The following RBMS3 variants were observed in gnomAD, a reference collection of about 807,000 sequenced individuals.
RBMS3 encodes RNA binding motif single stranded interacting protein 3.
Under a neutral mutation model 66.8 loss-of-function variants are expected in RBMS3, and 27 were observed. The ratio of observed to expected loss-of-function variants is 0.40; its 90% CI spans 0.30 to 0.56. The LOEUF (loss-of-function observed/expected upper bound fraction) is 0.56, where lower values mean the gene tolerates loss of function less well. Among genes scored for constraint, RBMS3 ranks in the 20% least tolerant of loss-of-function variants. RBMS3 has a pLI of 0.40. For synonymous variants in RBMS3, 188 were observed against 183.0 expected (o/e 1.03, Z -0.22); for missense variants, 513 against 549.5 (o/e 0.93, Z 0.66).
intron 3 of RBMS3, among the ~76,000 whole-genome samples, chr3:29,492,882 A>AT (rs2043602470): frequency 1.3e-5 from 2 of 152,176 alleles, no homozygotes; most frequent in Admixed American, 6.5e-5. Context: ...TAGGCCATTC[A>AT]TGCTGTTCAC....
At chr3:29,836,201 T>C (rs908078321) in intron 6 of RBMS3, among the ~76,000 whole-genome samples, 1 of 152,030 alleles carries the variant, frequency 6.6e-6, no homozygotes, top group Non-Finnish European at 1.5e-5. Flanking sequence ...GAATAATTAA[T>C]AGCTATTATT....
At chr3:29,390,815 T>C (rs2039255711) in intron 1 of RBMS3, 1 of 154,596 alleles carries the variant, frequency 6.5e-6, no homozygotes, top group African/African-American at 2.4e-5. Flanking sequence ...TGAGGAGGCA[T>C]TGAAAATTGG....
At chr3:29,840,317 CAATA>C (rs1460678982) in intron 6 of RBMS3, among the ~76,000 whole-genome samples, 1 of 151,814 alleles carries the variant, frequency 6.6e-6, no homozygotes, top group Non-Finnish European at 1.5e-5. Flanking sequence ...ACTTAAAAGA[CAATA>C]AAAGCATTGA....
intron 4 of RBMS3, among the ~76,000 whole-genome samples, chr3:29,652,169 A>T (rs145476856): frequency 6.6e-6 from 1 of 152,224 alleles, no homozygotes; most frequent in African/African-American, 2.4e-5. Flanking sequence ...AAATTCCCAA[A>T]GTTTTTGTAA....
chr3:29,577,306 G>C (rs1576276225), intron 3 of RBMS3, among the ~76,000 whole-genome samples: 1 of 152,210 alleles, frequency 6.6e-6, no homozygotes, highest in African/African-American at 2.4e-5. Flanking sequence ...ACTCTTTGCT[G>C]TCTGCCCCTT....
chr3:30,004,251 G>A lies in RBMS3; in HGVS notation c.*389G>A, dbSNP rs1364950633. On this transcript the variant is annotated 3_prime_UTR_variant, in exon 15 of 15. Coordinates refer to ENST00000383767, the MANE Select transcript of RBMS3 (RefSeq NM_001003793.3). Reference sequence around the variant, plus strand: ...CAGAAAACCTGATGTCAAGAGGTGGGCAATAGAAATGGAAACAAATTGTCT... The same window carrying A: ...CAGAAAACCTGATGTCAAGAGGTGGACAATAGAAATGGAAACAAATTGTCT... 1.3e-5 allele frequency: 2 copies of A among 159,094 alleles called. No individual in the cohort carries two copies. The highest frequency in any genetic ancestry group is 2.7e-5 in the Non-Finnish European group (2 of 73,036). 9.9% of individuals were successfully genotyped at this position (159,094 alleles called of 1,614,324 possible).
chr3:29,917,985 C>T (rs544780211), intron 10 of RBMS3, among the ~76,000 whole-genome samples: 2 of 152,120 alleles, frequency 1.3e-5, no homozygotes, highest in South Asian at 4.1e-4. Context: ...TATATACTAT[C>T]ACAAAAGATT....
At chr3:29,780,094 G>A (rs1457993740) in intron 6 of RBMS3, among the ~76,000 whole-genome samples, 1 of 151,864 alleles carries the variant, frequency 6.6e-6, no homozygotes, top group Admixed American at 6.6e-5. Context: ...GTATTTCCAA[G>A]CAGAAATAGG....
intron 5 of RBMS3, 42 bp from the exon 6 acceptor site, chr3:29,762,868 T>C (rs1271565967): frequency 1.5e-6 from 2 of 1,327,794 alleles, no homozygotes; most frequent in Non-Finnish European, 2.1e-6. Flanking sequence ...TTTCTTTTTC[T>C]TGACAACCAT....
chr3:29,594,878 A>G (rs141262453), intron 4 of RBMS3, among the ~76,000 whole-genome samples: 87 of 152,334 alleles, frequency 5.7e-4, no homozygotes, highest in African/African-American at 2.0e-3. Context: ...AATGATTTCC[A>G]TAATCTGCCT....
intron 12 of RBMS3, among the ~76,000 whole-genome samples, chr3:29,984,537 C>G (rs539528865): frequency 1.3e-5 from 2 of 152,092 alleles, no homozygotes; most frequent in African/African-American, 4.8e-5. Context: ...GGTTTTTTCT[C>G]ATCTTCATGG....
chr3:29,356,374 C>G (rs976571054), intron 1 of RBMS3, among the ~76,000 whole-genome samples: 10 of 152,004 alleles, frequency 6.6e-5, no homozygotes, highest in African/African-American at 1.7e-4. Flanking sequence ...ATTCTGTTAC[C>G]CAGCTGTCAA....
At chr3:29,408,270 T>TAAA (rs2040113884) in intron 1 of RBMS3, among the ~76,000 whole-genome samples, 2 of 66,564 alleles carry the variant, frequency 3.0e-5, no homozygotes, top group African/African-American at 1.4e-4. Flanking sequence ...AGACTCCATC[T>TAAA]CAAAAAAAAA....
intron 12 of RBMS3, among the ~76,000 whole-genome samples, chr3:29,957,910 T>C (rs570728728): frequency 6.6e-6 from 1 of 152,308 alleles, no homozygotes; most frequent in East Asian, 1.9e-4. Context: ...TTATGCCTTT[T>C]ACAGATTCTC....
At chr3:29,915,220 A>G (rs2060608949) in intron 10 of RBMS3, among the ~76,000 whole-genome samples, 1 of 151,560 alleles carries the variant, frequency 6.6e-6, no homozygotes, top group Non-Finnish European at 1.5e-5. Flanking sequence ...GCTTTGCTGG[A>G]TAATCCCATC....
At chr3:29,491,836 AT>A (rs2043556210) in intron 3 of RBMS3, among the ~76,000 whole-genome samples, 1 of 152,126 alleles carries the variant, frequency 6.6e-6, no homozygotes, top group Non-Finnish European at 1.5e-5. Context: ...TACTAAAACT[AT>A]AAAAAATTAG....
chr3:29,558,152 T>C (rs1281653776), intron 3 of RBMS3, among the ~76,000 whole-genome samples: 2 of 152,018 alleles, frequency 1.3e-5, no homozygotes, highest in East Asian at 3.9e-4. Flanking sequence ...AATTCCTCCA[T>C]ATACATACAC....
intron 14 of RBMS3, among the ~76,000 whole-genome samples, chr3:29,993,100 G>C (rs1246116520): frequency 6.7e-6 from 1 of 150,120 alleles, no homozygotes; most frequent in African/African-American, 2.5e-5. Context: ...AATTAAATTT[G>C]CTCAGAATAT....
At chr3:29,446,802 T>C (rs1378886924) in intron 2 of RBMS3, among the ~76,000 whole-genome samples, 3 of 152,040 alleles carry the variant, frequency 2.0e-5, no homozygotes, top group South Asian at 4.1e-4. Context: ...CCTGAATCTA[T>C]AGATTGAATT....
Sources: allele counts gnomAD v4.1 joint callset (sites outside exome capture counted in the v4.1 genomes callset), GRCh38; gene constraint gnomAD v4.1.1; transcripts MANE v1.5; gene names NCBI Gene and HGNC (gene_info 2026-07-23, HGNC 2026-07-21).